Variants in LRMDA observed in about 807,000 individuals in gnomAD.
LRMDA encodes leucine rich melanocyte differentiation associated.
LRMDA carries 18 observed loss-of-function variants against 29.8 expected under a neutral mutation model. That is an observed-to-expected ratio of 0.60 (90% confidence interval 0.42 to 0.90). The LOEUF (loss-of-function observed/expected upper bound fraction) is 0.90, where lower values mean the gene tolerates loss of function less well. Ranked by LOEUF, LRMDA falls within the 40% of genes least tolerant of loss-of-function variation. The probability of loss-of-function intolerance (pLI) is 0.00; values close to 1 mark genes in which losing one functional copy is unlikely to be tolerated. For missense variants in LRMDA, 273 were observed against 273.9 expected (o/e 1.00, Z 0.02); for synonymous variants, 125 against 109.4 (o/e 1.14, Z -0.89).
At chr10:76,139,456 C>T (rs1223578864) in intron 5 of LRMDA, among the ~76,000 whole-genome samples, 2 of 152,082 alleles carry the variant, frequency 1.3e-5, no homozygotes, top group South Asian at 2.1e-4. Flanking sequence ...TGCTTACTTA[C>T]TCTGGTTTCA....
chr10:76,221,405 A>T (rs1200679602), intron 5 of LRMDA, among the ~76,000 whole-genome samples: 1 of 152,276 alleles, frequency 6.6e-6, no homozygotes. Context: ...ACTTAAGCTG[A>T]TAAGCAACTT....
intron 2 of LRMDA, among the ~76,000 whole-genome samples, chr10:75,750,183 C>T (rs1018293580): frequency 3.9e-5 from 6 of 152,282 alleles, no homozygotes; most frequent in African/African-American, 1.4e-4. Flanking sequence ...AGAGGGGCTC[C>T]TCACTTCCCA....
intron 2 of LRMDA, among the ~76,000 whole-genome samples, chr10:75,790,428 T>G (rs893949955): frequency 2.0e-5 from 3 of 152,352 alleles, no homozygotes; most frequent in Middle Eastern, 3.4e-3. Flanking sequence ...TTGCAGATGT[T>G]GCTAAAATTA....
Position 75,543,996 on chromosome 10 carries a change from C to T in LRMDA, c.131+105502C>T, listed in dbSNP as rs575479546. On this transcript the variant is annotated intron_variant, in intron 2 of 6. Transcript: ENST00000611255. ...CATGTTTAAAGTTGGGGTCCCTCAC[C>T]CCACCTGTGTCCATCGTTTCACACC... 7.2e-5 allele frequency among the ~76,000 whole-genome samples: 11 copies of T among 152,228 alleles called. No individual in the cohort carries two copies. The East Asian group carries it at 2.1e-3, about 29-fold the overall frequency.
chr10:76,311,831 C>T (rs1840633360), intron 5 of LRMDA, among the ~76,000 whole-genome samples: 1 of 152,160 alleles, frequency 6.6e-6, no homozygotes, highest in African/African-American at 2.4e-5. Flanking sequence ...AAAATAGCCA[C>T]AGTTGAACAG....
chr10:75,683,124 T>A (rs914883779), intron 2 of LRMDA, among the ~76,000 whole-genome samples: 2 of 152,188 alleles, frequency 1.3e-5, no homozygotes, highest in African/African-American at 4.8e-5. Context: ...ATTATATAGC[T>A]TATTTAGCTC....
intron 5 of LRMDA, among the ~76,000 whole-genome samples, chr10:76,251,920 C>T (rs1243015430): frequency 1.3e-5 from 2 of 152,136 alleles, no homozygotes; most frequent in African/African-American, 4.8e-5. Context: ...ACCTGGTTCC[C>T]CGGCACTAGA....
chr10:76,378,390 T>C (rs1307410343), intron 6 of LRMDA, among the ~76,000 whole-genome samples: 4 of 152,192 alleles, frequency 2.6e-5, no homozygotes, highest in African/African-American at 9.6e-5. Context: ...TTCTTTTGCC[T>C]GATTACTCTA....
At chr10:76,221,975 AC>A (rs1851850837) in intron 5 of LRMDA, among the ~76,000 whole-genome samples, 1 of 152,022 alleles carries the variant, frequency 6.6e-6, no homozygotes, top group African/African-American at 2.4e-5. Context: ...CGTATCTACA[AC>A]TATCTGATCT....
intron 5 of LRMDA, among the ~76,000 whole-genome samples, chr10:76,295,861 C>A (rs1033764084): frequency 6.6e-6 from 1 of 152,136 alleles, no homozygotes; most frequent in Non-Finnish European, 1.5e-5. Flanking sequence ...CTAAAGTCAC[C>A]TCTTTGCTAA....
At chr10:75,577,435 G>A (rs926813766) in intron 2 of LRMDA, among the ~76,000 whole-genome samples, 2 of 152,160 alleles carry the variant, frequency 1.3e-5, no homozygotes, top group African/African-American at 4.8e-5. Context: ...GAAAGTAACG[G>A]GGAGGATGGA....
intron 5 of LRMDA, among the ~76,000 whole-genome samples, chr10:76,249,567 CTG>C (rs565153714): frequency 1.3e-5 from 2 of 152,324 alleles, no homozygotes; most frequent in South Asian, 2.1e-4. Flanking sequence ...CAAGAGAAAA[CTG>C]TGTCTCACAT....
At position 76,331,426 on chromosome 10, in the gene LRMDA, A is replaced by C. The variant is rs28451134; in HGVS notation, c.601+6941A>C. On this transcript the variant is annotated intron_variant, in intron 6 of 6. Coordinates refer to ENST00000611255, the MANE Select transcript of LRMDA (RefSeq NM_001305581.2). ...TCCAGAATATTTTTATTAGTCTTTC[A>C]AGAGAGCTAAGCATCAAATAATTTC... Among the ~76,000 whole-genome samples the C allele has an allele frequency of 5.8e-3, 885 of 152,310 alleles. 8 individuals are homozygous for C. The highest frequency in any genetic ancestry group is 0.02 in the African/African-American group (849 of 41,550).
chr10:75,662,402 A>G (rs16932523), intron 2 of LRMDA, among the ~76,000 whole-genome samples: 17,831 of 152,214 alleles, frequency 0.12, 2,423 homozygotes, highest in East Asian at 0.33. Flanking sequence ...GAAACACATT[A>G]GAACTAACCT....
intron 5 of LRMDA, among the ~76,000 whole-genome samples, chr10:76,265,436 G>A (rs1839994150): frequency 6.6e-6 from 1 of 152,190 alleles, no homozygotes; most frequent in Admixed American, 6.5e-5. Context: ...CTTTTCAGGT[G>A]CTCACACTCA....
At chr10:76,245,444 A>G (rs1036192788) in intron 5 of LRMDA, among the ~76,000 whole-genome samples, 4 of 152,178 alleles carry the variant, frequency 2.6e-5, no homozygotes, top group African/African-American at 9.7e-5. Context: ...TGTTGAGGTC[A>G]GCTTCCATGT....
chr10:75,779,844 A>C (rs1279871766), intron 2 of LRMDA, among the ~76,000 whole-genome samples: 1 of 152,084 alleles, frequency 6.6e-6, no homozygotes, highest in Non-Finnish European at 1.5e-5. Flanking sequence ...CTACAAATTT[A>C]TGTCTACCTG....
At chr10:76,525,360 C>G (rs1843163321) in intron 6 of LRMDA, among the ~76,000 whole-genome samples, 1 of 152,124 alleles carries the variant, frequency 6.6e-6, no homozygotes, top group Non-Finnish European at 1.5e-5. Context: ...AAGCATGGCT[C>G]ACTGTTAACC....
chr10:76,221,149 A>G (rs1589381833), intron 5 of LRMDA, among the ~76,000 whole-genome samples: 1 of 151,988 alleles, frequency 6.6e-6, no homozygotes, highest in Non-Finnish European at 1.5e-5. Flanking sequence ...TCTATGACAA[A>G]CCCACAGCCA....
Sources: allele counts gnomAD v4.1 joint callset (sites outside exome capture counted in the v4.1 genomes callset), GRCh38; gene constraint gnomAD v4.1.1; transcripts MANE v1.5; gene names NCBI Gene and HGNC (gene_info 2026-07-23, HGNC 2026-07-21).